Variants in PLXNA2 observed in about 807,000 individuals in gnomAD.
The protein encoded by PLXNA2 is plexin A2.
Under a neutral mutation model 193.5 loss-of-function variants are expected in PLXNA2, and 91 were observed. That is an observed-to-expected ratio of 0.47 (90% CI 0.40 to 0.56). The LOEUF is 0.56. Among genes scored for constraint, PLXNA2 ranks in the 20% least tolerant of loss-of-function variants. The pLI is 0.00. For synonymous variants in PLXNA2, 997 were observed against 1,027.3 expected (o/e 0.97, Z 0.56); for missense variants, 1,995 against 2,503.2 (o/e 0.80, Z 4.33).
At position 208,051,170 on chromosome 1, in the gene PLXNA2, T is replaced by C; in HGVS notation, c.3162-68A>G. ...AATCTGGCATGGTGAACCTCCACCT[T>C]AGGGATCCCTCTCATGAGCCAGACT... On this transcript the variant is annotated intron_variant, in intron 16 of 31. Transcript: ENST00000367033. 3 of 1,593,734 alleles carry C rather than the reference T, an allele frequency of 1.9e-6. 1 individual carries two copies. The highest frequency in any genetic ancestry group is 2.2e-5 in the South Asian group (2 of 90,156).
chr1:208,188,507 A>G (rs1670075812), intron 3 of PLXNA2, among the ~76,000 whole-genome samples: 2 of 152,234 alleles, frequency 1.3e-5, no homozygotes, highest in Admixed American at 1.3e-4. Context: ...TCAGGATTTC[A>G]AGACCAGCCT....
At chr1:208,169,620 C>T (rs1287408593) in intron 3 of PLXNA2, among the ~76,000 whole-genome samples, 1 of 152,162 alleles carries the variant, frequency 6.6e-6, no homozygotes, top group Non-Finnish European at 1.5e-5. Flanking sequence ...GAAAGTCACA[C>T]TGGGGTCCAC....
At chr1:208,048,963 C>T (rs1381568143) in intron 17 of PLXNA2, among the ~76,000 whole-genome samples, 1 of 152,186 alleles carries the variant, frequency 6.6e-6, no homozygotes, top group East Asian at 1.9e-4. Flanking sequence ...TGCCCCTTTC[C>T]ACACTATCCT....
intron 3 of PLXNA2, among the ~76,000 whole-genome samples, chr1:208,147,621 T>C (rs1668639514): frequency 6.6e-6 from 1 of 152,218 alleles, no homozygotes; most frequent in Non-Finnish European, 1.5e-5. Flanking sequence ...GTAAATACTA[T>C]TTTAAATCCC....
At chr1:208,240,084 C>T (rs1020227167) in intron 1 of PLXNA2, among the ~76,000 whole-genome samples, 1 of 152,228 alleles carries the variant, frequency 6.6e-6, no homozygotes, top group Non-Finnish European at 1.5e-5. Context: ...TTGCACTGCT[C>T]AGGCCTCAGC....
chr1:208,118,896 A>C (rs1667723268), intron 4 of PLXNA2, among the ~76,000 whole-genome samples: 1 of 152,190 alleles, frequency 6.6e-6, no homozygotes, highest in Non-Finnish European at 1.5e-5. Flanking sequence ...AACTGATGTA[A>C]TTAGGTGCTC....
At chr1:208,180,052 C>T (rs151234783) in intron 3 of PLXNA2, among the ~76,000 whole-genome samples, 5 of 152,154 alleles carry the variant, frequency 3.3e-5, no homozygotes, top group East Asian at 3.9e-4. Flanking sequence ...GCTTCAAACA[C>T]GAGGAAATTA....
rs1159437239 is a variant in PLXNA2 at position 208,075,912 on chromosome 1, G to T, written c.2586+3348C>A. 8.6e-5 allele frequency among the ~76,000 whole-genome samples: 13 copies of T among 151,994 alleles called. No homozygotes were observed. The East Asian group carries it at 2.5e-3, about 29-fold the overall frequency. On this transcript the variant is annotated intron_variant, in intron 12 of 31. Coordinates refer to ENST00000367033, the MANE Select transcript of PLXNA2 (RefSeq NM_025179.4). The stretch of plus-strand genomic sequence containing the variant: ...ACCTTTACTAAAAATACAAAAATTA[G>T]CCAGGCGTGGTGGTGCATGCCTGTT...
At position 208,024,879 on chromosome 1, in the gene PLXNA2, C is replaced by T. The variant is rs752835112; in HGVS notation, c.*2364G>A. On this transcript the variant is annotated 3_prime_UTR_variant, in exon 32 of 32. Coordinates refer to ENST00000367033, the MANE Select transcript of PLXNA2 (RefSeq NM_025179.4). ...AGATGGGGTGGGCTGAACTTTTTTACAGGTAGCATAAGGTCTCCTGGTCAC... is the reference window on the plus strand; with the variant it reads ...AGATGGGGTGGGCTGAACTTTTTTATAGGTAGCATAAGGTCTCCTGGTCAC... 4.6e-5 allele frequency: 7 copies of T among 152,200 alleles called. No homozygotes were observed. The highest frequency in any genetic ancestry group is 5.9e-5 in the Non-Finnish European group (4 of 68,072). 9.4% of individuals were successfully genotyped at this position (152,200 alleles called of 1,614,324 possible). A position where few individuals can be genotyped will look rare whatever the true frequency, so the allele number is the denominator to read the frequency against.
intron 29 of PLXNA2, chr1:208,029,956 G>A (rs1664449540): frequency 1.6e-5 from 16 of 985,428 alleles, no homozygotes; most frequent in Non-Finnish European, 1.9e-5. Context: ...CCTCCAGCCT[G>A]AGATGATGTT....
chr1:208,207,686 T>C (rs1310605945), intron 3 of PLXNA2, among the ~76,000 whole-genome samples: 1 of 152,170 alleles, frequency 6.6e-6, no homozygotes, highest in Non-Finnish European at 1.5e-5. Flanking sequence ...TGGACCATAG[T>C]AGGGTTTCCT....
intron 8 of PLXNA2, among the ~76,000 whole-genome samples, chr1:208,094,763 T>A (rs1393100379): frequency 6.6e-6 from 1 of 152,210 alleles, no homozygotes; most frequent in African/African-American, 2.4e-5. Flanking sequence ...TCTCAGCACA[T>A]CTATTTATTT....
Position 208,086,948 on chromosome 1 carries a change from A to ACTCTCTCTCTCTCTCTCTCT in PLXNA2, c.2098-2388_2098-2369dup, listed in dbSNP as rs59683728. Among the ~76,000 whole-genome samples, 85 of 134,690 alleles carry ACTCTCTCTCTCTCTCTCTCT rather than the reference A, an allele frequency of 6.3e-4. 1 individual carries two copies. Among genetic ancestry groups the ACTCTCTCTCTCTCTCTCTCT allele is most frequent in the East Asian group, 4.3e-3 (18 of 4,222 alleles). The allele number at this position is 134,690 out of a possible 152,430, so 88.4% of individuals were successfully genotyped here. A position where few individuals can be genotyped will look rare whatever the true frequency, so the allele number is the denominator to read the frequency against. On this transcript the variant is annotated intron_variant, in intron 9 of 31. Transcript: ENST00000367033. ...GCTGGGGTATAATGGTCTCTCTCGC[A>ACTCTCTCTCTCTCTCTCTCT]CTCTCTCTCTCTCTCTCTCTCTCTC...
At position 208,038,862 on chromosome 1, in the gene PLXNA2, G is replaced by A. The variant is rs754456799; in HGVS notation, c.4623C>T (p.Pro1541=). 1.2e-6 allele frequency: 2 copies of A among 1,614,118 alleles called. No homozygotes were observed. Residue 1541 remains proline (P), a synonymous_variant, in exon 25 of 32, where the codon CCC becomes CCT. Transcript: ENST00000367033. The surrounding 1 kb of genome is among the most constrained non-coding windows in gnomAD (Gnocchi z 4.1). ...KILDAVYKNV[P]YSQRPRAVDM... ...CCACTGCCCTCGGCCGCTGGGAATA[G>A]GGCACATTCTTATACACGGCATCAA...
chr1:208,155,735 C>T (rs1339458247), intron 3 of PLXNA2, among the ~76,000 whole-genome samples: 1 of 152,118 alleles, frequency 6.6e-6, no homozygotes, highest in Non-Finnish European at 1.5e-5. Context: ...CCTCCCTGCC[C>T]AGCTCTGGCT....
chr1:208,190,079 A>G (rs1209965240), intron 3 of PLXNA2, among the ~76,000 whole-genome samples: 1 of 152,178 alleles, frequency 6.6e-6, no homozygotes, highest in Non-Finnish European at 1.5e-5. Flanking sequence ...TGGGGCCTCA[A>G]GGATTTTGTT....
At chr1:208,211,286 G>A (rs943860397) in intron 2 of PLXNA2, among the ~76,000 whole-genome samples, 2 of 152,204 alleles carry the variant, frequency 1.3e-5, no homozygotes, top group Admixed American at 1.3e-4. Context: ...GAGAATTCTG[G>A]AGGTGGTGTC....
intron 1 of PLXNA2, among the ~76,000 whole-genome samples, chr1:208,235,432 C>T (rs1457132917): frequency 6.6e-6 from 1 of 152,160 alleles, no homozygotes; most frequent in Non-Finnish European, 1.5e-5. Flanking sequence ...TCCAACTTTC[C>T]TAACACCCTC....
chr1:208,184,984 G>A (rs976688892), intron 3 of PLXNA2, among the ~76,000 whole-genome samples: 1 of 152,158 alleles, frequency 6.6e-6, no homozygotes, highest in Non-Finnish European at 1.5e-5. Context: ...TGAATTTGGG[G>A]CCATTCTTCC....
Sources: gnomAD v4.1 joint callset for allele counts (sites outside exome capture counted in the v4.1 genomes callset) on GRCh38, gnomAD v4.1.1 for gene constraint, Gnocchi (gnomAD v3.1) non-coding constraint, MANE v1.5 for transcripts, NCBI Gene and HGNC (gene_info 2026-07-23, HGNC 2026-07-21) for gene names.